RRP12: variants seen among roughly 807,000 people sequenced by gnomAD.
The protein encoded by RRP12 is RRP12-like protein.
Under a neutral mutation model 157.3 loss-of-function variants are expected in RRP12, and 78 were observed. The ratio of observed to expected loss-of-function variants is 0.50; its 90% CI spans 0.41 to 0.60. The LOEUF (loss-of-function observed/expected upper bound fraction) is 0.60, where lower values mean the gene tolerates loss of function less well. Ranked by LOEUF, RRP12 falls within the 20% of genes least tolerant of loss-of-function variation. The pLI is 0.00. For synonymous variants in RRP12, 726 were observed against 670.9 expected, an observed-to-expected ratio of 1.08 and a Z score of -1.27; for missense variants, 1,521 against 1,679.9, an observed-to-expected ratio of 0.91 and a Z score of 1.65.
chr10:97,367,160 G>A (rs1249713982), intron 25 of RRP12, 28 bp from the exon 26 acceptor site: 2 of 1,600,266 alleles, frequency 1.2e-6, no homozygotes, highest in African/African-American at 1.3e-5. Flanking sequence ...AGGCTTTCAG[G>A]GAGGCGAGCC....
intron 29 of RRP12, 122 bp downstream of exon 29, chr10:97,365,986 G>T: frequency 7.4e-7 from 1 of 1,356,058 alleles, no homozygotes; most frequent in Non-Finnish European, 1.0e-6. Flanking sequence ...AACTCAAAAA[G>T]TTTGAGGAAG....
rs1845059346 is a variant in RRP12 at position 97,398,892 on chromosome 10, C to A, written c.369+1413G>T. On this transcript the variant is annotated intron_variant, in intron 2 of 33. Transcript: ENST00000370992. ...ACACTAGATTTTGAAGACTTGGTAT[C>A]ATAAAAATAATGCTGTAGTAAAATA... Among the ~76,000 whole-genome samples the A allele has an allele frequency of 2.6e-5, 4 of 151,964 alleles. No individual in the cohort carries two copies. In the South Asian group the frequency reaches 8.3e-4, roughly 32 times the overall value.
At chr10:97,385,567 G>A (rs1844608136) in intron 9 of RRP12, among the ~76,000 whole-genome samples, 1 of 152,070 alleles carries the variant, frequency 6.6e-6, no homozygotes, top group Non-Finnish European at 1.5e-5. Context: ...CAATTTGGGG[G>A]ATCTGATCCC....
At chr10:97,385,848 G>A in intron 9 of RRP12, 47 bp downstream of exon 9, 1 of 1,385,646 alleles carries the variant, frequency 7.2e-7, no homozygotes, top group Non-Finnish European at 1.0e-6. Context: ...GCCTCCCAAG[G>A]CACCACCCCC....
chr10:97,400,245 G>C, intron 2 of RRP12, 60 bp downstream of exon 2: 4 of 1,291,596 alleles, frequency 3.1e-6, no homozygotes, highest in Non-Finnish European at 4.5e-6. Context: ...CAGAGCTGAA[G>C]AAAAGGCATG....
Position 97,370,267 on chromosome 10 carries a change from C to A in RRP12, c.2697G>T (p.Leu899=). The part of the protein sequence containing the change: ...LRFGSNQEEA[L]QCYLVLIYPG... Reference sequence around the variant, plus strand: ...GGTAGATCAGGACGAGGTAGCACTGCAGGGCCTCTGGGGACAGAGACCAAC... The same window carrying A: ...GGTAGATCAGGACGAGGTAGCACTGAAGGGCCTCTGGGGACAGAGACCAAC... The change falls in exon 24 of 34, where the codon CTG becomes CTT. Residue 899 remains leucine (L), a synonymous_variant. Coordinates refer to ENST00000370992, the MANE Select transcript of RRP12 (RefSeq NM_015179.4). The A allele has an allele frequency of 1.3e-6, 2 of 1,592,848 alleles. No homozygotes were observed. The highest frequency in any genetic ancestry group is 1.7e-6 in the Non-Finnish European group (2 of 1,169,934).
At position 97,375,156 on chromosome 10, in the gene RRP12, A is replaced by C. The variant is rs377166335; in HGVS notation, c.1799-1262T>G. 3.4e-4 allele frequency among the ~76,000 whole-genome samples: 52 copies of C among 151,450 alleles called. No homozygotes were observed. The South Asian group carries it at 0.011, about 31-fold the overall frequency. Reference sequence around the variant, plus strand: ...ATATTTTTGTAGAGACGGAGGTCTCACTCTGTTGCCCAGGCTGGCCTTGAA... The same window carrying C: ...ATATTTTTGTAGAGACGGAGGTCTCCCTCTGTTGCCCAGGCTGGCCTTGAA... On this transcript the variant is annotated intron_variant, in intron 15 of 33. Transcript: ENST00000370992.
intron 30 of RRP12, among the ~76,000 whole-genome samples, chr10:97,361,726 G>T (rs1843846067): frequency 6.6e-6 from 1 of 152,132 alleles, no homozygotes; most frequent in Admixed American, 6.5e-5. Flanking sequence ...GGTTCAGCTG[G>T]TGCTTGGCCA....
At chr10:97,381,049 AGAG>A (rs1032918563) in intron 12 of RRP12, 136 bp from the exon 13 acceptor site, 16 of 648,766 alleles carry the variant, frequency 2.5e-5, no homozygotes, top group African/African-American at 2.2e-4. Context: ...AGACAACAGA[AGAG>A]AACTAACATT....
At chr10:97,357,238 T>C (rs969330178) in intron 33 of RRP12, 42 bp from the exon 34 acceptor site, 8 of 1,318,086 alleles carry the variant, frequency 6.1e-6, no homozygotes, top group African/African-American at 2.9e-5. Context: ...TGGCTGAGAA[T>C]AGGAGGCCCC....
chr10:97,379,901 A>C, intron 13 of RRP12, 131 bp from the exon 14 acceptor site: 1 of 754,610 alleles, frequency 1.3e-6, no homozygotes, highest in Non-Finnish European at 2.0e-6. Context: ...ACAGACTGAG[A>C]ACCCAATTAA....
chr10:97,389,156 G>GC (rs755717631), intron 6 of RRP12, among the ~76,000 whole-genome samples: 98 of 152,218 alleles, frequency 6.4e-4, no homozygotes, highest in Non-Finnish European at 1.2e-3. Context: ...GTGCAGTGGC[G>GC]GATCTCGGCT....
rs778969042 is a variant in RRP12, at chr10:97,401,078, T to C, written c.139+15A>G. 3.8e-5 allele frequency: 62 copies of C among 1,611,802 alleles called. No homozygotes were observed. The highest frequency in any genetic ancestry group is 3.3e-4 in the Middle Eastern group (2 of 6,052). ...AACCCCGCCCCCGGCTGCGCTCGGGTCTCAACCCAGCTACCTGACGGCCGG... is the reference window on the plus strand; with the variant it reads ...AACCCCGCCCCCGGCTGCGCTCGGGCCTCAACCCAGCTACCTGACGGCCGG... On this transcript the variant is annotated intron_variant, in intron 1 of 33. Transcript: ENST00000370992.
rs377237300 is a variant in RRP12, at chr10:97,385,263, A to G, written c.1117-6T>C. ...GGAACATAGTCGTACAGGGCCTAAA[A>G]GTGGGAATAAGCAGGTGACTGAGCA... On this transcript the variant is annotated splice_region_variant and splice_polypyrimidine_tract_variant and intron_variant, in intron 9 of 33. Transcript: ENST00000370992. The G allele has an allele frequency of 4.3e-6, 7 of 1,610,304 alleles. No homozygotes were observed. In the African/African-American group the frequency reaches 9.4e-5, roughly 22 times the overall value.
intron 2 of RRP12, among the ~76,000 whole-genome samples, chr10:97,397,496 T>C (rs1015895100): frequency 2.6e-5 from 4 of 152,104 alleles, no homozygotes; most frequent in Non-Finnish European, 5.9e-5. Context: ...TTTCAATCCA[T>C]GCTTGGTTGA....
chr10:97,366,979 G>T, intron 26 of RRP12, 62 bp downstream of exon 26: 1 of 1,609,964 alleles, frequency 6.2e-7, no homozygotes, highest in South Asian at 1.1e-5. Flanking sequence ...AGTGTCCCTG[G>T]TAGGACTGGA....
At chr10:97,363,799 T>G in intron 30 of RRP12, 55 bp downstream of exon 30, 1 of 1,484,202 alleles carries the variant, frequency 6.7e-7, no homozygotes, top group Non-Finnish European at 9.4e-7. Context: ...TGAGAAGCTG[T>G]GGAGCCCAGG....
At chr10:97,366,646 G>C (rs748718532) in intron 27 of RRP12, 25 bp from the exon 28 acceptor site, 2 of 1,604,842 alleles carry the variant, frequency 1.2e-6, no homozygotes, top group South Asian at 1.1e-5. Context: ...CCCCCAGTCA[G>C]AGTGCTCCCA....
chr10:97,381,006 G>A (rs529433121), intron 12 of RRP12, 93 bp from the exon 13 acceptor site: 33 of 998,572 alleles, frequency 3.3e-5, no homozygotes, highest in Admixed American at 2.0e-4. Flanking sequence ...AGCTACAGAC[G>A]CTAGCTGGCC....
Sources: gnomAD v4.1 joint callset for allele counts (sites outside exome capture counted in the v4.1 genomes callset) on GRCh38, gnomAD v4.1.1 for gene constraint, MANE v1.5 for transcripts, NCBI Gene and HGNC (gene_info 2026-07-23, HGNC 2026-07-21) for gene names.